ZNF124: variants seen among roughly 807,000 people sequenced by gnomAD.
The protein encoded by ZNF124 is zinc finger protein HZF-16.
Under a neutral mutation model 26.6 loss-of-function variants are expected in ZNF124, and 25 were observed. The observed-to-expected ratio is 0.94, with a 90% CI of 0.68 to 1.31. The LOEUF (loss-of-function observed/expected upper bound fraction) is 1.31, where lower values mean the gene tolerates loss of function less well. ZNF124 is among the 40% of genes most tolerant of loss of function. The pLI is 0.00. For synonymous variants in ZNF124, 129 were observed against 133.3 expected, an observed-to-expected ratio of 0.97 and a Z score of 0.22; for missense variants, 444 against 422.2, an observed-to-expected ratio of 1.05 and a Z score of -0.45.
intron 1 of ZNF124, 163 bp from the exon 2 acceptor site, chr1:247,159,976 G>GTTA: frequency 8.1e-6 from 2 of 246,188 alleles, no homozygotes; most frequent in East Asian, 1.1e-4. Context: ...CCACATAGCA[G>GTTA]TTCTTTTTTT....
intron 1 of ZNF124, among the ~76,000 whole-genome samples, chr1:247,164,246 G>C (rs1460863477): frequency 6.6e-6 from 1 of 152,138 alleles, no homozygotes; most frequent in Non-Finnish European, 1.5e-5. Context: ...AGGCAAGGAT[G>C]CCCTCTTTTA....
chr1:247,149,707 A>G (rs1672877073), intron 3 of ZNF124, among the ~76,000 whole-genome samples: 1 of 152,216 alleles, frequency 6.6e-6, no homozygotes, highest in Non-Finnish European at 1.5e-5. Context: ...ACATTGCTGA[A>G]AAGGTACAAA....
At chr1:247,133,520 A>G (rs2103101295) in intron 3 of ZNF124, among the ~76,000 whole-genome samples, 1 of 152,338 alleles carries the variant, frequency 6.6e-6, no homozygotes, top group African/African-American at 2.4e-5. Context: ...TGAAGGAAAT[A>G]CTGTTAAGGG....
rs747152183 is a variant in ZNF124 at position 247,156,595 on chromosome 1, C to T, written c.1027G>A (p.Glu343Lys). 1 of 1,552,812 alleles carries T rather than the reference C, an allele frequency of 6.4e-7. No individual in the cohort carries two copies. The highest frequency in any genetic ancestry group is 8.6e-7 in the Non-Finnish European group (1 of 1,156,840). Reference sequence around the variant, plus strand: ...ATTTTTTTACATTTATAGGGCTTTTCTCCAGTATGAGTTTTTTTATGCTTC... The same window carrying T: ...ATTTTTTTACATTTATAGGGCTTTTTTCCAGTATGAGTTTTTTTATGCTTC... ...LWKHKKTHTG[E>K]KPYKCKKM is the part of the protein sequence containing the mutation. The change falls in exon 4 of 4, where the codon GAA becomes AAA. Residue 343 changes from glutamate to lysine, a missense_variant. By Grantham distance (56) the Glu-to-Lys change is moderately conservative. Coordinates refer to ENST00000543802, the MANE Select transcript of ZNF124 (RefSeq NM_001297568.2).
chr1:247,127,686 G>C (rs1672241377), intron 3 of ZNF124, among the ~76,000 whole-genome samples: 1 of 148,598 alleles, frequency 6.7e-6, no homozygotes, highest in African/African-American at 2.5e-5. Context: ...CTGATTGCCG[G>C]TGCATGCAGC....
At chr1:247,159,977 T>C (rs78902597) in intron 1 of ZNF124, 164 bp from the exon 2 acceptor site, 118 of 400,922 alleles carry the variant, frequency 2.9e-4, no homozygotes, top group Non-Finnish European at 3.9e-4. Context: ...CACATAGCAG[T>C]TCTTTTTTTT....
At chr1:247,143,645 T>A (rs1461247248) in intron 3 of ZNF124, among the ~76,000 whole-genome samples, 1 of 152,196 alleles carries the variant, frequency 6.6e-6, no homozygotes, top group Non-Finnish European at 1.5e-5. Context: ...TGAGGGTAAC[T>A]CTCTGAGCCA....
chr1:247,162,524 G>A (rs528368175), intron 1 of ZNF124, among the ~76,000 whole-genome samples: 21 of 149,774 alleles, frequency 1.4e-4, no homozygotes, highest in East Asian at 5.9e-4. Context: ...GTAAGTACAC[G>A]CTATTATGTT....
In ZNF124 at chr1:247,168,347, G is replaced by A. The variant is rs888940880; in HGVS notation, c.30+3501C>T. ...AGTTCGATACCAGCCTGGCCAACAT[G>A]GCAAAACCCTGTCTCTACTAAAAAT... On this transcript the variant is annotated intron_variant, in intron 1 of 3. Coordinates refer to ENST00000543802, the MANE Select transcript of ZNF124 (RefSeq NM_001297568.2). This position sits in a 1 kb window ranked among gnomAD's most constrained non-coding sequence, Gnocchi z 4.0. 1.3e-5 allele frequency among the ~76,000 whole-genome samples: 2 copies of A among 152,148 alleles called. No homozygotes were observed. The highest frequency in any genetic ancestry group is 1.3e-4 in the Admixed American group (2 of 15,278).
At chr1:247,164,544 C>T (rs1374195798) in intron 1 of ZNF124, among the ~76,000 whole-genome samples, 2 of 151,734 alleles carry the variant, frequency 1.3e-5, no homozygotes, top group Non-Finnish European at 2.9e-5. Context: ...ATATAGCTAA[C>T]CAGGAGATGA....
intron 3 of ZNF124, among the ~76,000 whole-genome samples, chr1:247,135,751 C>T (rs540541728): frequency 1.4e-4 from 21 of 152,256 alleles, no homozygotes; most frequent in African/African-American, 4.8e-4. Context: ...GGCCAATAAC[C>T]CTGATGAACG....
downstream of ZNF124, among the ~76,000 whole-genome samples, chr1:247,154,517 T>C (rs1673034510): frequency 6.6e-6 from 1 of 152,112 alleles, no homozygotes; most frequent in Non-Finnish European, 1.5e-5. Context: ...AAACTACATA[T>C]ATATGAAATA....
chr1:247,144,465 T>G (rs1163755877), intron 3 of ZNF124, among the ~76,000 whole-genome samples: 1 of 152,150 alleles, frequency 6.6e-6, no homozygotes, highest in East Asian at 1.9e-4. Context: ...GGTTTAGAGC[T>G]GATGTGAAAG....
intron 1 of ZNF124, among the ~76,000 whole-genome samples, chr1:247,170,012 G>C (rs987321105): frequency 9.3e-6 from 1 of 107,716 alleles, no homozygotes; most frequent in African/African-American, 4.2e-5. Flanking sequence ...CCAAGAGACA[G>C]GGCCAGTGTG....
intron 3 of ZNF124, among the ~76,000 whole-genome samples, chr1:247,145,402 C>T (rs73137962): frequency 0.13 from 19,722 of 152,092 alleles, 1,815 homozygotes; most frequent in African/African-American, 0.25. Flanking sequence ...ATGGTGTGAG[C>T]AGTGACAAGG....
intron 3 of ZNF124, among the ~76,000 whole-genome samples, chr1:247,125,494 A>AGTGCAATGGTGG (rs149193366): frequency 8.0e-6 from 1 of 124,382 alleles, no homozygotes; most frequent in Admixed American, 9.6e-5. Flanking sequence ...CCCAGGCTGG[A>AGTGCAATGGTGG]GATCTCCACT....
intron 3 of ZNF124, among the ~76,000 whole-genome samples, chr1:247,158,142 TG>T (rs891606003): frequency 2.0e-5 from 3 of 152,050 alleles, no homozygotes; most frequent in African/African-American, 4.8e-5. Context: ...CCCAGCTACT[TG>T]GGAGACTGAG....
chr1:247,123,586 G>C (rs554787276), exon 4 of ZNF124: 1 of 434,852 alleles, frequency 2.3e-6, no homozygotes, highest in South Asian at 6.2e-5. Context: ...ATTTCCTCAG[G>C]TTATTCCAAG....
chr1:247,170,427 G>A (rs4925587), intron 1 of ZNF124, among the ~76,000 whole-genome samples: 39,524 of 145,626 alleles, frequency 0.27, 5,063 homozygotes, highest in African/African-American at 0.41. Flanking sequence ...GTTAGGCTGG[G>A]GAATACGGTC....
Sources: gnomAD v4.1 joint callset for allele counts (sites outside exome capture counted in the v4.1 genomes callset) on GRCh38, gnomAD v4.1.1 for gene constraint, Gnocchi (gnomAD v3.1) non-coding constraint, MANE v1.5 for transcripts, NCBI Gene and HGNC (gene_info 2026-07-23, HGNC 2026-07-21) for gene names.